The following CLYBL variants were observed in gnomAD, a reference collection of about 807,000 sequenced individuals.
CLYBL encodes citramalyl-CoA lyase.
CLYBL carries 31 observed loss-of-function variants against 38.9 expected under a neutral mutation model. The observed-to-expected ratio is 0.80, with a 90% confidence interval of 0.60 to 1.08. The LOEUF is 1.08. Among genes scored for constraint, CLYBL ranks in the 50% least tolerant of loss-of-function variants. CLYBL has a pLI of 0.00. For missense variants in CLYBL, 434 were observed against 411.6 expected (o/e 1.05, Z -0.47); for synonymous variants, 171 against 158.6 (o/e 1.08, Z -0.59).
downstream of CLYBL, chr13:99,895,501 T>C (rs1435671685): frequency 1.3e-5 from 2 of 152,228 alleles, no homozygotes; most frequent in Non-Finnish European, 2.9e-5. Context: ...CCCCAGCATT[T>C]CAGCGTGAAA....
intron 1 of CLYBL, among the ~76,000 whole-genome samples, chr13:99,693,450 T>G (rs777619324): frequency 1.3e-4 from 19 of 151,628 alleles, no homozygotes; most frequent in Admixed American, 7.2e-4. Context: ...GGCAGCTCGG[T>G]ATTATCCATC....
intron 1 of CLYBL, among the ~76,000 whole-genome samples, chr13:99,630,673 C>A (rs2046930797): frequency 1.3e-5 from 2 of 152,060 alleles, no homozygotes; most frequent in African/African-American, 4.8e-5. Flanking sequence ...CCAGCTGAGC[C>A]CTCTTGTTCC....
chr13:99,652,221 T>C (rs1055192046), intron 1 of CLYBL, among the ~76,000 whole-genome samples: 2 of 152,210 alleles, frequency 1.3e-5, no homozygotes, highest in African/African-American at 4.8e-5. Flanking sequence ...TCCTTGATGA[T>C]AATCCCAGCA....
chr13:99,905,187 G>A lies in CLYBL; in HGVS notation c.*25-83G>A, dbSNP rs540717938. Among the ~76,000 whole-genome samples, 17 of 152,342 alleles carry A rather than the reference G, an allele frequency of 1.1e-4. No individual in the cohort carries two copies. The East Asian group carries it at 3.1e-3, about 28-fold the overall frequency. On this transcript the variant is annotated intron_variant and NMD_transcript_variant, in intron 8 of 9. Coordinates refer to the CLYBL transcript ENST00000689673. The stretch of plus-strand genomic sequence containing the variant: ...ATCTGCCTTGGGCTAAAAGACCTCT[G>A]GTTGGTCACTCCTCTAGGATCTTAA...
chr13:99,735,184 T>C (rs2048648138), intron 1 of CLYBL, among the ~76,000 whole-genome samples: 1 of 152,146 alleles, frequency 6.6e-6, no homozygotes, highest in African/African-American at 2.4e-5. Context: ...CTTTTTGTTG[T>C]TGTTGTTTGT....
chr13:99,725,165 G>T (rs946170877), intron 1 of CLYBL, among the ~76,000 whole-genome samples: 7 of 152,212 alleles, frequency 4.6e-5, no homozygotes, highest in African/African-American at 1.7e-4. Flanking sequence ...CTCTACACAT[G>T]ACCGTGATCT....
intron 1 of CLYBL, among the ~76,000 whole-genome samples, chr13:99,691,641 T>G (rs2047904544): frequency 6.6e-6 from 1 of 151,880 alleles, no homozygotes; most frequent in South Asian, 2.1e-4. Context: ...TACCAGAGTA[T>G]TTTTAGTGTA....
chr13:99,879,297 A>C (rs188019024), intron 7 of CLYBL, among the ~76,000 whole-genome samples: 3 of 152,364 alleles, frequency 2.0e-5, no homozygotes. Flanking sequence ...TGTAAAAAGC[A>C]GAATGTTAAC....
At chr13:99,675,321 G>GTC (rs2047627904) in intron 1 of CLYBL, among the ~76,000 whole-genome samples, 2 of 152,124 alleles carry the variant, frequency 1.3e-5, no homozygotes, top group Non-Finnish European at 2.9e-5. Context: ...CCCTATATGT[G>GTC]TATATACTTT....
At chr13:99,644,360 CTA>C (rs1245193874) in intron 1 of CLYBL, among the ~76,000 whole-genome samples, 1 of 151,972 alleles carries the variant, frequency 6.6e-6, no homozygotes, top group Non-Finnish European at 1.5e-5. Flanking sequence ...TACCTTAAGA[CTA>C]TTTATTTTAA....
chr13:99,669,264 A>G (rs1025207852), intron 1 of CLYBL, among the ~76,000 whole-genome samples: 1 of 151,996 alleles, frequency 6.6e-6, no homozygotes, highest in African/African-American at 2.4e-5. Context: ...AGCCTCCTAA[A>G]GTGCTGGGAT....
intron 1 of CLYBL, among the ~76,000 whole-genome samples, chr13:99,685,678 G>C (rs544942661): frequency 1.3e-5 from 2 of 152,192 alleles, no homozygotes; most frequent in South Asian, 4.1e-4. Context: ...GAACCTCTTA[G>C]AGGCCGGGCA....
chr13:99,758,318 C>G (rs1270801859), intron 1 of CLYBL, among the ~76,000 whole-genome samples: 2 of 152,172 alleles, frequency 1.3e-5, no homozygotes, highest in Non-Finnish European at 2.9e-5. Context: ...GGGGGCCCCC[C>G]TCTGGGATGG....
chr13:99,622,402 T>C (rs1372750512), intron 1 of CLYBL, among the ~76,000 whole-genome samples: 2 of 152,256 alleles, frequency 1.3e-5, no homozygotes, highest in Admixed American at 1.3e-4. Context: ...TCTCATGTTA[T>C]GTGCTGCCAG....
intron 2 of CLYBL, among the ~76,000 whole-genome samples, chr13:99,836,895 T>C (rs1221836912): frequency 1.4e-5 from 2 of 146,234 alleles, no homozygotes; most frequent in African/African-American, 5.1e-5. Flanking sequence ...TGTTGTGGGG[T>C]GGGGGAAGGG....
chr13:99,787,056 T>C (rs1163942136), intron 2 of CLYBL, among the ~76,000 whole-genome samples: 2 of 152,220 alleles, frequency 1.3e-5, no homozygotes, highest in Non-Finnish European at 2.9e-5. Context: ...ATGGGGTTGT[T>C]TTTTTCTTGT....
chr13:99,858,699 C>T (rs138291732), intron 2 of CLYBL, among the ~76,000 whole-genome samples, 162 bp from the exon 3 acceptor site: 4 of 152,358 alleles, frequency 2.6e-5, no homozygotes, highest in Admixed American at 2.0e-4. Flanking sequence ...ACCTTTCAGA[C>T]TGGATGACTC....
At chr13:99,625,701 A>C (rs1212058498) in intron 1 of CLYBL, among the ~76,000 whole-genome samples, 1 of 152,262 alleles carries the variant, frequency 6.6e-6, no homozygotes, top group East Asian at 1.9e-4. Context: ...AAAATTCTAA[A>C]ACATACCAGT....
chr13:99,650,337 G>A (rs2047234618), intron 1 of CLYBL, among the ~76,000 whole-genome samples: 1 of 152,136 alleles, frequency 6.6e-6, no homozygotes, highest in South Asian at 2.1e-4. Flanking sequence ...CAGGAGGATT[G>A]CTTGAGCCCA....
Sources: allele counts gnomAD v4.1 joint callset (sites outside exome capture counted in the v4.1 genomes callset), GRCh38; gene constraint gnomAD v4.1.1; transcripts MANE v1.5; gene names NCBI Gene and HGNC (gene_info 2026-07-23, HGNC 2026-07-21).